The following COL4A2 variants were observed in gnomAD, a reference collection of about 807,000 sequenced individuals.
COL4A2 encodes the protein collagen type IV alpha 2 chain, also known as collagen alpha-2(IV) chain.
Under a neutral mutation model 200.2 loss-of-function variants are expected in COL4A2, and 99 were observed. The observed-to-expected ratio is 0.49, with a 90% CI of 0.42 to 0.58. The LOEUF is 0.58. Among genes scored for constraint, COL4A2 ranks in the 20% least tolerant of loss-of-function variants. The pLI, the probability that COL4A2 is intolerant of heterozygous loss-of-function variation, is 0.00. For synonymous variants in COL4A2, 897 were observed against 900.6 expected, an observed-to-expected ratio of 1.00 and a Z score of 0.07; for missense variants, 1,950 against 2,314.1, an observed-to-expected ratio of 0.84 and a Z score of 3.23.
At chr13:110,450,756 G>C (rs966079059) in intron 20 of COL4A2, among the ~76,000 whole-genome samples, 1 of 152,196 alleles carries the variant, frequency 6.6e-6, no homozygotes, top group Non-Finnish European at 1.5e-5. Context: ...CGAAACATCT[G>C]AGCTGCGCAG....
intron 41 of COL4A2, 73 bp downstream of exon 41, chr13:110,501,857 G>C (rs891419922): frequency 4.9e-6 from 7 of 1,418,990 alleles, no homozygotes; most frequent in Admixed American, 3.9e-5. Context: ...CTTAATGTAG[G>C]GGGAGAACAG....
chr13:110,394,204 C>G (rs926636895), intron 4 of COL4A2, among the ~76,000 whole-genome samples: 1 of 152,142 alleles, frequency 6.6e-6, no homozygotes, highest in African/African-American at 2.4e-5. Context: ...CAAGAGAAAA[C>G]ATTGATGTAG....
Position 110,438,613 on chromosome 13 carries a change from C to T in COL4A2, c.862-5C>T, listed in dbSNP as rs555514799. 1.1e-5 allele frequency: 18 copies of T among 1,614,186 alleles called. No individual in the cohort carries two copies. The highest frequency in any genetic ancestry group is 6.7e-5 in the East Asian group (3 of 44,882). Reference sequence around the variant, plus strand: ...GCTCCTTACGCCCCCTCTGCTCTCTCCTAGGGCATTTCCTTGAAGGGAGAA... The same window carrying T: ...GCTCCTTACGCCCCCTCTGCTCTCTTCTAGGGCATTTCCTTGAAGGGAGAA... On this transcript the variant is annotated splice_polypyrimidine_tract_variant and splice_region_variant and intron_variant, in intron 14 of 47. Transcript: ENST00000360467.
intron 3 of COL4A2, among the ~76,000 whole-genome samples, chr13:110,319,112 G>GT (rs201652379): frequency 0.013 from 2,043 of 152,110 alleles, 56 homozygotes; most frequent in African/African-American, 0.047. Flanking sequence ...ACTGGTGGGT[G>GT]CGGGGGCCTG....
intron 4 of COL4A2, among the ~76,000 whole-genome samples, chr13:110,392,255 G>A (rs763329372): frequency 2.7e-4 from 41 of 152,320 alleles, no homozygotes; most frequent in Non-Finnish European, 4.4e-4. Flanking sequence ...AATATGAAGA[G>A]TCTAAAGAAC....
chr13:110,339,761 GAAA>G (rs751409180), intron 3 of COL4A2, among the ~76,000 whole-genome samples: 1 of 152,144 alleles, frequency 6.6e-6, no homozygotes, highest in African/African-American at 2.4e-5. Flanking sequence ...TTGGTGGGAG[GAAA>G]AAATCAAAGA....
At chr13:110,347,575 C>T (rs1232225282) in intron 3 of COL4A2, among the ~76,000 whole-genome samples, 1 of 152,254 alleles carries the variant, frequency 6.6e-6, no homozygotes, top group East Asian at 1.9e-4. Context: ...CACTGTCATT[C>T]AGCCTGCTTT....
intron 37 of COL4A2, among the ~76,000 whole-genome samples, chr13:110,491,841 G>A (rs1362414254): frequency 1.3e-5 from 2 of 152,186 alleles, no homozygotes; most frequent in African/African-American, 4.8e-5. Flanking sequence ...AAAACTACAC[G>A]CTATTTTCTC....
chr13:110,309,284 C>T (rs1884906623), intron 3 of COL4A2, among the ~76,000 whole-genome samples: 1 of 152,180 alleles, frequency 6.6e-6, no homozygotes, highest in South Asian at 2.1e-4. Context: ...GAGGAGGACT[C>T]GGAGACTTTG....
chr13:110,462,276 A>G lies in COL4A2; in HGVS notation c.1670-2A>G, dbSNP rs1882058699. ...CAGCTTCACATGCAAATCCCTTTCT[A>G]GGTGAGCGGGGACAGCCCGGCGTCC... On this transcript the variant is annotated splice_acceptor_variant, in intron 23 of 47. Coordinates refer to ENST00000360467, the MANE Select transcript of COL4A2 (RefSeq NM_001846.4). LOFTEE classifies it high-confidence loss of function. The G allele has an allele frequency of 6.2e-7, 1 of 1,614,102 alleles. No homozygotes were observed. The highest frequency in any genetic ancestry group is 8.5e-7 in the Non-Finnish European group (1 of 1,180,042).
chr13:110,365,409 G>A (rs1187939408), intron 4 of COL4A2, among the ~76,000 whole-genome samples: 2 of 152,166 alleles, frequency 1.3e-5, no homozygotes, highest in African/African-American at 2.4e-5. Flanking sequence ...CCAAAGTGCT[G>A]GGATTACAGG....
chr13:110,310,997 G>A (rs1381921153), intron 3 of COL4A2, among the ~76,000 whole-genome samples: 1 of 152,198 alleles, frequency 6.6e-6, no homozygotes, highest in Non-Finnish European at 1.5e-5. Flanking sequence ...GCTTCCCAGG[G>A]CCTGAAAGGT....
At chr13:110,438,810 C>CACA (rs1555328887) in intron 15 of COL4A2, 142 bp downstream of exon 15, 12 of 653,966 alleles carry the variant, frequency 1.8e-5, no homozygotes, top group Middle Eastern at 4.1e-4. Context: ...CCACCCCCCC[C>CACA]CACACACACA....
chr13:110,475,505 T>A (rs116165465), intron 29 of COL4A2, among the ~76,000 whole-genome samples: 113 of 152,342 alleles, frequency 7.4e-4, no homozygotes, highest in African/African-American at 2.6e-3. Context: ...TGTTTGAGCA[T>A]GAAAACAAAT....
intron 6 of COL4A2, among the ~76,000 whole-genome samples, chr13:110,426,481 A>G (rs983629009): frequency 6.6e-6 from 1 of 152,194 alleles, no homozygotes; most frequent in African/African-American, 2.4e-5. Flanking sequence ...GTTAACATAA[A>G]TATCACCTGC....
rs73618180 is a variant in COL4A2, at chr13:110,512,991, G to C, written c.*800G>C. On this transcript the variant is annotated 3_prime_UTR_variant, in exon 48 of 48. Coordinates refer to ENST00000360467, the MANE Select transcript of COL4A2 (RefSeq NM_001846.4). ...TTCTGACTGCCCCCTCCTGTGTAAC[G>C]ACTACAAAATAAAACTTGGTTCTGA... The C allele has an allele frequency of 6.6e-6, 1 of 152,062 alleles. No individual in the cohort carries two copies. Among genetic ancestry groups the C allele is most frequent in the Non-Finnish European group, 1.5e-5 (1 of 68,038 alleles). The allele number at this position is 152,062 out of a possible 1,614,324, so 9.4% of individuals were successfully genotyped here.
At chr13:110,493,089 T>C (rs1883341113) in intron 38 of COL4A2, 122 bp from the exon 39 acceptor site, 2 of 1,080,142 alleles carry the variant, frequency 1.9e-6, no homozygotes, top group Admixed American at 1.9e-5. Flanking sequence ...ATGGGTGAAA[T>C]AACGATGAGT....
chr13:110,438,436 G>A lies in COL4A2; in HGVS notation c.862-182G>A. 8.7e-6 allele frequency: 7 copies of A among 802,696 alleles called. No homozygotes were observed. In the South Asian group the frequency reaches 1.0e-4, roughly 11 times the overall value. 49.7% of individuals were successfully genotyped at this position (802,696 alleles called of 1,614,324 possible). On this transcript the variant is annotated intron_variant, in intron 14 of 47. Coordinates refer to ENST00000360467, the MANE Select transcript of COL4A2 (RefSeq NM_001846.4). ...CAGTCCTGGATGGGTGACAGCCCGGGAAGGCTGGCGGGTCTCCTAGGACCG... is the reference window on the plus strand; with the variant it reads ...CAGTCCTGGATGGGTGACAGCCCGGAAAGGCTGGCGGGTCTCCTAGGACCG...
At position 110,495,603 on chromosome 13, in the gene COL4A2, T is replaced by G. The variant is rs1005623941; in HGVS notation, c.3760+136T>G. 4 of 1,158,136 alleles carry G rather than the reference T, an allele frequency of 3.5e-6. No individual in the cohort carries two copies. The Admixed American group carries it at 1.1e-4, about 32-fold the overall frequency. 71.7% of individuals were successfully genotyped at this position (1,158,136 alleles called of 1,614,324 possible). A position where few individuals can be genotyped will look rare whatever the true frequency, so the allele number is the denominator to read the frequency against. ...AAGAGCTGGTTTTTCTGGGGAGGACTACCTGTTGCAGGACCTCTCAGCTAG... is the reference window on the plus strand; with the variant it reads ...AAGAGCTGGTTTTTCTGGGGAGGACGACCTGTTGCAGGACCTCTCAGCTAG... On this transcript the variant is annotated intron_variant, in intron 40 of 47. Coordinates refer to ENST00000360467, the MANE Select transcript of COL4A2 (RefSeq NM_001846.4).
Sources: allele counts gnomAD v4.1 joint callset (sites outside exome capture counted in the v4.1 genomes callset), GRCh38; gene constraint gnomAD v4.1.1; transcripts MANE v1.5; gene names NCBI Gene and HGNC (gene_info 2026-07-23, HGNC 2026-07-21).